The following RPS6KA5 variants were observed in gnomAD, a reference collection of about 807,000 sequenced individuals.
RPS6KA5 encodes ribosomal protein S6 kinase A5.
RPS6KA5 carries 27 observed loss-of-function variants against 85.5 expected under a neutral mutation model. That is an observed-to-expected ratio of 0.32 (90% CI 0.23 to 0.44). The LOEUF is 0.44. Among genes scored for constraint, RPS6KA5 ranks in the 20% least tolerant of loss-of-function variants. The pLI is 1.00. For synonymous variants in RPS6KA5, 334 were observed against 348.2 expected (o/e 0.96, Z 0.46); for missense variants, 811 against 980.9 (o/e 0.83, Z 2.31).
At chr14:91,006,906 G>A (rs981552269) in intron 1 of RPS6KA5, among the ~76,000 whole-genome samples, 1 of 152,148 alleles carries the variant, frequency 6.6e-6, no homozygotes, top group African/African-American at 2.4e-5. Context: ...GAACATGCTG[G>A]TCTCAAGATT....
At chr14:90,922,081 G>C (rs948379785) in intron 6 of RPS6KA5, among the ~76,000 whole-genome samples, 5 of 152,074 alleles carry the variant, frequency 3.3e-5, no homozygotes, top group Admixed American at 6.5e-5. Flanking sequence ...AAACTATCTA[G>C]AACTCAGGAT....
At chr14:90,880,682 C>G (rs1162713255) in intron 14 of RPS6KA5, among the ~76,000 whole-genome samples, 1 of 152,158 alleles carries the variant, frequency 6.6e-6, no homozygotes, top group African/African-American at 2.4e-5. Flanking sequence ...GGACTGTCTA[C>G]TTCTCCCTTC....
chr14:90,975,628 C>T (rs2039530641), intron 3 of RPS6KA5, among the ~76,000 whole-genome samples: 2 of 152,150 alleles, frequency 1.3e-5, no homozygotes, highest in African/African-American at 4.8e-5. Flanking sequence ...TTCCAGCCTC[C>T]AGTACTGTGA....
chr14:90,905,132 A>ATTTTT (rs2035430798), intron 8 of RPS6KA5, among the ~76,000 whole-genome samples: 1 of 152,164 alleles, frequency 6.6e-6, no homozygotes, highest in South Asian at 2.1e-4. Flanking sequence ...TATTATAAAA[A>ATTTTT]ATAATTACAT....
Position 91,001,105 on chromosome 14 carries a change from T to A in RPS6KA5, c.158A>T (p.Lys53Met). The A allele has an allele frequency of 1.9e-6, 3 of 1,597,126 alleles. No individual in the cohort carries two copies. The highest frequency in any genetic ancestry group is 1.7e-6 in the Non-Finnish European group (2 of 1,169,570). ...KVGIENFELL[K>M]VLGTGAYGKV... is the part of the protein sequence containing the mutation. ...AGACTTACCTCCAGTTCCTAGGACCTTCAGGAGCTCAAAATTTTCTATTCC... is the reference window on the plus strand; with the variant it reads ...AGACTTACCTCCAGTTCCTAGGACCATCAGGAGCTCAAAATTTTCTATTCC... Residue 53 changes from lysine to methionine, a missense_variant, in exon 2 of 17, where the codon AAG becomes ATG. By Grantham distance (95) the Lys-to-Met change is moderately conservative. Transcript: ENST00000614987.
intron 2 of RPS6KA5, among the ~76,000 whole-genome samples, chr14:90,995,372 G>A (rs1192094245): frequency 6.6e-6 from 1 of 152,122 alleles, no homozygotes; most frequent in Non-Finnish European, 1.5e-5. Flanking sequence ...TATGACTCAC[G>A]GAAGGCTTTT....
At chr14:90,959,367 C>T (rs1003765494) in intron 3 of RPS6KA5, among the ~76,000 whole-genome samples, 1 of 152,146 alleles carries the variant, frequency 6.6e-6, no homozygotes, top group Admixed American at 6.5e-5. Flanking sequence ...TTAATAGGAG[C>T]AATGACTCTG....
At chr14:91,040,532 G>C (rs1251762924) in intron 1 of RPS6KA5, among the ~76,000 whole-genome samples, 3 of 152,166 alleles carry the variant, frequency 2.0e-5, no homozygotes, top group African/African-American at 7.2e-5. Context: ...TTAGTGGGCT[G>C]CTAGAAGTGA....
At chr14:91,041,487 T>C (rs1223880720) in intron 1 of RPS6KA5, among the ~76,000 whole-genome samples, 1 of 152,240 alleles carries the variant, frequency 6.6e-6, no homozygotes, top group Non-Finnish European at 1.5e-5. Flanking sequence ...TAAGCTCTAA[T>C]TTAGTGGTTG....
chr14:90,965,347 C>G (rs1398961788), intron 3 of RPS6KA5, among the ~76,000 whole-genome samples: 3 of 152,124 alleles, frequency 2.0e-5, no homozygotes, highest in Non-Finnish European at 2.9e-5. Flanking sequence ...GCACTACAGC[C>G]TGAGCGACAG....
At chr14:90,898,529 G>A (rs1402863480) in intron 12 of RPS6KA5, among the ~76,000 whole-genome samples, 1 of 152,224 alleles carries the variant, frequency 6.6e-6, no homozygotes, top group East Asian at 1.9e-4. Flanking sequence ...GATTCGCATT[G>A]ACATGCTATG....
At chr14:90,938,314 G>A (rs2037387199) in intron 5 of RPS6KA5, among the ~76,000 whole-genome samples, 1 of 152,248 alleles carries the variant, frequency 6.6e-6, no homozygotes, top group Non-Finnish European at 1.5e-5. Flanking sequence ...GCAGGGTACA[G>A]TCCCCCTCCT....
intron 1 of RPS6KA5, among the ~76,000 whole-genome samples, chr14:91,002,008 A>G (rs12881753): frequency 0.48 from 72,382 of 151,962 alleles, 17,706 homozygotes; most frequent in East Asian, 0.55. Flanking sequence ...AAGATACTAC[A>G]TTTGTGGATT....
intron 1 of RPS6KA5, among the ~76,000 whole-genome samples, chr14:91,050,014 A>AATAT (rs2043011314): frequency 6.6e-6 from 1 of 152,238 alleles, no homozygotes; most frequent in Non-Finnish European, 1.5e-5. Context: ...GCAGCTCATG[A>AATAT]ATATATACAT....
intron 2 of RPS6KA5, among the ~76,000 whole-genome samples, chr14:90,986,329 A>C: frequency 6.6e-6 from 1 of 152,180 alleles, no homozygotes; most frequent in East Asian, 1.9e-4. Context: ...AATCACTCCT[A>C]AAATTAATCT....
chr14:91,025,065 G>GA (rs895954698), intron 1 of RPS6KA5, among the ~76,000 whole-genome samples: 1 of 151,588 alleles, frequency 6.6e-6, no homozygotes, highest in African/African-American at 2.4e-5. Flanking sequence ...TTTTAGGGGG[G>GA]ATGGAGTCTC....
intron 1 of RPS6KA5, among the ~76,000 whole-genome samples, chr14:91,053,226 A>G (rs1221370677): frequency 6.6e-6 from 1 of 152,236 alleles, no homozygotes; most frequent in Non-Finnish European, 1.5e-5. Flanking sequence ...GATAAAATAC[A>G]TCTATGAAAA....
At chr14:91,029,825 A>G (rs2042116492) in intron 1 of RPS6KA5, among the ~76,000 whole-genome samples, 1 of 152,218 alleles carries the variant, frequency 6.6e-6, no homozygotes, top group African/African-American at 2.4e-5. Flanking sequence ...TGTACATTAT[A>G]TTGCTATAAT....
intron 7 of RPS6KA5, among the ~76,000 whole-genome samples, chr14:90,910,763 G>A (rs1424759109): frequency 6.6e-6 from 1 of 151,204 alleles, no homozygotes; most frequent in Non-Finnish European, 1.5e-5. Flanking sequence ...TCAGCTCACT[G>A]CAAGCTCCGC....
Sources: allele counts gnomAD v4.1 joint callset (sites outside exome capture counted in the v4.1 genomes callset), GRCh38; gene constraint gnomAD v4.1.1; transcripts MANE v1.5; gene names NCBI Gene and HGNC (gene_info 2026-07-23, HGNC 2026-07-21).